Variants in SRBD1 observed in about 807,000 individuals in gnomAD.
SRBD1 encodes the protein S1 RNA binding domain 1, also known as S1 RNA-binding domain-containing protein 1.
In SRBD1, 88 loss-of-function variants were observed where a neutral mutation model predicts 115.3. That is an observed-to-expected ratio of 0.76 (90% confidence interval 0.64 to 0.91). The LOEUF is 0.91. Ranked by LOEUF, SRBD1 falls within the 40% of genes least tolerant of loss-of-function variation. SRBD1 has a pLI of 0.00. For missense variants in SRBD1, 1,385 were observed against 1,177.4 expected, an observed-to-expected ratio of 1.18 and a Z score of -2.58; for synonymous variants, 509 against 407.7, an observed-to-expected ratio of 1.25 and a Z score of -2.99.
At chr2:45,568,584 C>G (rs1448440528) in intron 9 of SRBD1, among the ~76,000 whole-genome samples, 1 of 152,160 alleles carries the variant, frequency 6.6e-6, no homozygotes, top group Non-Finnish European at 1.5e-5. Flanking sequence ...TACTGTCACA[C>G]CCAGAAGCCT....
chr2:45,424,251 T>C (rs986844795), intron 16 of SRBD1, among the ~76,000 whole-genome samples: 2 of 152,176 alleles, frequency 1.3e-5, no homozygotes, highest in African/African-American at 4.8e-5. Flanking sequence ...GCTTCCAAGA[T>C]GGTTCCCAAT....
chr2:45,404,561 T>C (rs1339493658), intron 19 of SRBD1, among the ~76,000 whole-genome samples: 2 of 152,148 alleles, frequency 1.3e-5, no homozygotes, highest in African/African-American at 2.4e-5. Context: ...TCCTATTGAG[T>C]CTACTTTTAA....
chr2:45,574,763 T>G, intron 7 of SRBD1, 40 bp from the exon 8 acceptor site: 1 of 1,518,980 alleles, frequency 6.6e-7, no homozygotes, highest in Non-Finnish European at 9.0e-7. Context: ...AAACAAAAAG[T>G]ATACGATTGG....
rs781543109 is a variant in SRBD1 at position 45,585,660 on chromosome 2, T to C, written c.763A>G (p.Asn255Asp). The change falls in exon 5 of 21, where the codon AAC (asparagine) becomes GAC (aspartate). Residue 255 changes from asparagine (N) to aspartate (D), a missense_variant. Coordinates refer to ENST00000263736, the MANE Select transcript of SRBD1 (RefSeq NM_018079.5). Reference protein sequence around the residue: ...IIRYRKELINNLDADSLREVQ... With the variant: ...IIRYRKELINDLDADSLREVQ... ...TCTCTCAAGGAATCAGCATCAAGGT[T>C]ATTAATGAGCTCTTTTCTATAACGT... The C allele has an allele frequency of 1.2e-6, 2 of 1,612,442 alleles. No homozygotes were observed. The highest frequency in any genetic ancestry group is 2.2e-5 in the South Asian group (2 of 90,626).
intron 8 of SRBD1, among the ~76,000 whole-genome samples, 153 bp downstream of exon 8, chr2:45,574,474 T>C (rs1673115859): frequency 6.6e-6 from 1 of 152,212 alleles, no homozygotes; most frequent in Non-Finnish European, 1.5e-5. Flanking sequence ...CTGTTTTATA[T>C]ATTTGGGCTC....
intron 18 of SRBD1, among the ~76,000 whole-genome samples, chr2:45,414,702 T>A (rs1667729903): frequency 6.8e-6 from 1 of 146,594 alleles, no homozygotes. Context: ...ACACATAGTG[T>A]GTATATAGTA....
chr2:45,497,979 G>C (rs1670513599), intron 14 of SRBD1, among the ~76,000 whole-genome samples: 1 of 152,106 alleles, frequency 6.6e-6, no homozygotes, highest in South Asian at 2.1e-4. Flanking sequence ...ACCCCAGCCT[G>C]GGCGACAGAG....
At position 45,418,466 on chromosome 2, in the gene SRBD1, G is replaced by A. The variant is rs778470617; in HGVS notation, c.2232C>T (p.Asn744=). 3 of 1,613,620 alleles carry A rather than the reference G, an allele frequency of 1.9e-6. No individual in the cohort carries two copies. The highest frequency in any genetic ancestry group is 1.7e-5 in the Admixed American group (1 of 59,948). The change falls in exon 18 of 21, where the codon AAC becomes AAT. Residue 744 remains asparagine (N), a synonymous_variant. Transcript: ENST00000263736. ...CTTTCACTTTCTTCAGCTGTTCTCG[G>A]TTGATAAAGGGTCCATTTTTCTCTC... is the stretch of plus-strand genomic sequence containing the variant. The part of the protein sequence containing the change: ...EWREKNGPFI[N]REQLKKVKGL...
intron 7 of SRBD1, among the ~76,000 whole-genome samples, chr2:45,577,492 C>T (rs544371118): frequency 6.6e-6 from 1 of 152,232 alleles, no homozygotes; most frequent in South Asian, 2.1e-4. Context: ...TCACTTTCTC[C>T]GCACTTAAGC....
intron 4 of SRBD1, among the ~76,000 whole-genome samples, chr2:45,590,527 G>A (rs1441222752): frequency 1.3e-5 from 2 of 152,164 alleles, no homozygotes; most frequent in Non-Finnish European, 2.9e-5. Flanking sequence ...TTGAATCAAA[G>A]GGGTGGTTTT....
chr2:45,543,829 TG>T (rs1290489410), intron 14 of SRBD1, among the ~76,000 whole-genome samples: 1 of 152,084 alleles, frequency 6.6e-6, no homozygotes, highest in Non-Finnish European at 1.5e-5. Flanking sequence ...ACTGCAAAAA[TG>T]GTTCAACTGT....
Position 45,423,643 on chromosome 2 carries a change from C to T in SRBD1, c.2050-3749G>A, listed in dbSNP as rs898406437. On this transcript the variant is annotated intron_variant, in intron 16 of 20. Transcript: ENST00000263736. ...ACATTTGAAGAACACCAATCCTTCT[C>T]AAACTCTTTAAAAAAACAGAAGAGG... 8.5e-5 allele frequency among the ~76,000 whole-genome samples: 13 copies of T among 152,154 alleles called. No individual in the cohort carries two copies. In the East Asian group the frequency reaches 2.5e-3, roughly 29 times the overall value.
intron 16 of SRBD1, among the ~76,000 whole-genome samples, chr2:45,420,978 G>C (rs1231391362): frequency 6.6e-6 from 1 of 152,086 alleles, no homozygotes; most frequent in East Asian, 1.9e-4. Context: ...TCTTAACAGA[G>C]GTTATTAACA....
At chr2:45,488,819 T>G (rs996576639) in intron 14 of SRBD1, among the ~76,000 whole-genome samples, 3 of 151,986 alleles carry the variant, frequency 2.0e-5, no homozygotes, top group Non-Finnish European at 4.4e-5. Context: ...TCATAAGCAC[T>G]GTTATTGTTA....
At chr2:45,598,411 G>A (rs535769313) in intron 4 of SRBD1, among the ~76,000 whole-genome samples, 1 of 151,878 alleles carries the variant, frequency 6.6e-6, no homozygotes. Context: ...CAGGCAGATC[G>A]AGACCATCCT....
intron 14 of SRBD1, among the ~76,000 whole-genome samples, chr2:45,494,853 C>T (rs1670407348): frequency 6.6e-6 from 1 of 152,136 alleles, no homozygotes; most frequent in Admixed American, 6.5e-5. Flanking sequence ...AGGAGTTTAC[C>T]TTTAGATACG....
chr2:45,576,296 C>A (rs1673175056), intron 7 of SRBD1, among the ~76,000 whole-genome samples: 1 of 152,034 alleles, frequency 6.6e-6, no homozygotes, highest in African/African-American at 2.4e-5. Flanking sequence ...CAGTATATAA[C>A]ACATATAACA....
intron 14 of SRBD1, among the ~76,000 whole-genome samples, chr2:45,499,675 T>C (rs1292206197): frequency 2.0e-5 from 3 of 152,156 alleles, no homozygotes; most frequent in African/African-American, 4.8e-5. Flanking sequence ...TTTTTATATA[T>C]GGTAAAAAAC....
chr2:45,537,120 A>G (rs2103998841), intron 14 of SRBD1, among the ~76,000 whole-genome samples: 1 of 152,304 alleles, frequency 6.6e-6, no homozygotes, highest in Admixed American at 6.5e-5. Context: ...ACAATCTGAA[A>G]AACATAGGCT....
Sources: allele counts gnomAD v4.1 joint callset (sites outside exome capture counted in the v4.1 genomes callset), GRCh38; gene constraint gnomAD v4.1.1; transcripts MANE v1.5; gene names NCBI Gene and HGNC (gene_info 2026-07-23, HGNC 2026-07-21).